Variants in PALLD observed in about 807,000 individuals in gnomAD.
The protein encoded by PALLD is palladin, cytoskeletal associated protein, also known as palladin.
Under a neutral mutation model 123.5 loss-of-function variants are expected in PALLD, and 61 were observed. That is an observed-to-expected ratio of 0.49 (90% CI 0.40 to 0.61). PALLD has a LOEUF of 0.61. PALLD is among the 20% of genes least tolerant of loss of function. PALLD has a pLI of 0.00. For synonymous variants in PALLD, 465 were observed against 496.4 expected (o/e 0.94, Z 0.84); for missense variants, 1,273 against 1,377.0 (o/e 0.92, Z 1.20).
At chr4:168,912,305 T>C (rs1315539030) in intron 15 of PALLD, among the ~76,000 whole-genome samples, 1 of 152,254 alleles carries the variant, frequency 6.6e-6, no homozygotes, top group Non-Finnish European at 1.5e-5. Context: ...TAGAACTCAC[T>C]AAGTCTAATC....
rs1762575084 is a variant in PALLD, at chr4:168,512,072, A to C, written c.568A>C (p.Asn190His). The change falls in exon 2 of 22, where the codon AAC (asparagine) becomes CAC (histidine). Residue 190 changes from asparagine to histidine, a missense_variant. Physicochemically the swap from Asn to His is moderately conservative, Grantham distance 68 (BLOSUM62 1). This residue lies in a region of PALLD where 944 missense variants were observed against 954.5 expected (regional missense o/e 0.99). Coordinates refer to ENST00000505667, the MANE Select transcript of PALLD (RefSeq NM_001166108.2). ...CATATTTAAAGCCGCAAAGCCAAGA[A>C]ACAGAAGCCCAAATGGGGAGTCCTC... ...TSIFKAAKPR[N>H]RSPNGESSSP... The C allele has an allele frequency of 6.2e-7, 1 of 1,614,086 alleles. No homozygotes were observed. The highest frequency in any genetic ancestry group is 1.1e-5 in the South Asian group (1 of 91,092).
intron 2 of PALLD, among the ~76,000 whole-genome samples, chr4:168,589,144 C>A (rs1013676454): frequency 6.6e-6 from 1 of 152,354 alleles, no homozygotes; most frequent in Admixed American, 6.5e-5. Flanking sequence ...TTCTAAAGTG[C>A]TTTACCATAC....
chr4:168,767,538 T>C (rs967982440), intron 10 of PALLD, among the ~76,000 whole-genome samples: 6 of 141,726 alleles, frequency 4.2e-5, no homozygotes, highest in Non-Finnish European at 9.1e-5. Context: ...ACTCCCTGTC[T>C]CTGATTTTTT....
At chr4:168,617,731 C>T (rs1774365130) in intron 2 of PALLD, among the ~76,000 whole-genome samples, 1 of 152,144 alleles carries the variant, frequency 6.6e-6, no homozygotes, top group Admixed American at 6.5e-5. Flanking sequence ...ACCAACCATA[C>T]AAGACTTACT....
At chr4:168,656,683 A>G (rs1395493726) in intron 2 of PALLD, among the ~76,000 whole-genome samples, 1 of 152,176 alleles carries the variant, frequency 6.6e-6, no homozygotes, top group East Asian at 1.9e-4. Flanking sequence ...CTTGGGCAAT[A>G]TATGTTTACC....
chr4:168,704,729 T>A (rs1784065511), intron 8 of PALLD, among the ~76,000 whole-genome samples: 2 of 150,252 alleles, frequency 1.3e-5, no homozygotes, highest in African/African-American at 2.5e-5. Flanking sequence ...AAAATAAAAA[T>A]TTTTAAATGG....
chr4:168,578,355 A>G (rs1769859231), intron 2 of PALLD, among the ~76,000 whole-genome samples: 2 of 152,084 alleles, frequency 1.3e-5, no homozygotes, highest in South Asian at 4.1e-4. Context: ...AGGTAATTTA[A>G]TCATGGGGGT....
At chr4:168,716,134 G>T (rs1379061432) in intron 10 of PALLD, among the ~76,000 whole-genome samples, 1 of 152,114 alleles carries the variant, frequency 6.6e-6, no homozygotes, top group East Asian at 1.9e-4. Flanking sequence ...ACAATATGCT[G>T]TTTTCAAATC....
chr4:168,866,184 G>T (rs534612728), intron 10 of PALLD, among the ~76,000 whole-genome samples: 1 of 152,238 alleles, frequency 6.6e-6, no homozygotes, highest in East Asian at 1.9e-4. Flanking sequence ...AGGATCAGTT[G>T]AGCCCAGGAG....
At chr4:168,771,848 A>G (rs539078403) in intron 10 of PALLD, among the ~76,000 whole-genome samples, 3 of 152,274 alleles carry the variant, frequency 2.0e-5, no homozygotes, top group African/African-American at 7.2e-5. Flanking sequence ...CCTGGATTCT[A>G]GGGAGGGCAG....
intron 10 of PALLD, among the ~76,000 whole-genome samples, chr4:168,771,734 A>T (rs1434151417): frequency 6.6e-6 from 1 of 152,084 alleles, no homozygotes; most frequent in Non-Finnish European, 1.5e-5. Flanking sequence ...GATTCCCTCA[A>T]GGCGACTCTC....
intron 1 of PALLD, 134 bp from the exon 2 acceptor site, chr4:168,511,289 T>C (rs1426216429): frequency 3.6e-6 from 2 of 553,836 alleles, no homozygotes; most frequent in Non-Finnish European, 6.4e-6. Context: ...ACTTGATATT[T>C]CTTCCAACTT....
chr4:168,784,884 A>G (rs767254983), intron 10 of PALLD, among the ~76,000 whole-genome samples: 3 of 152,132 alleles, frequency 2.0e-5, no homozygotes, highest in Admixed American at 6.5e-5. Flanking sequence ...AGCTCTGGTC[A>G]GTCTGGTCAT....
At chr4:168,674,246 C>T (rs1411297313) in intron 3 of PALLD, among the ~76,000 whole-genome samples, 1 of 152,116 alleles carries the variant, frequency 6.6e-6, no homozygotes, top group Non-Finnish European at 1.5e-5. Flanking sequence ...CTCTATTTAG[C>T]TAGCCATGTG....
chr4:168,919,018 AAAAAT>A (rs1470887566), intron 17 of PALLD, among the ~76,000 whole-genome samples: 8 of 152,248 alleles, frequency 5.3e-5, no homozygotes, highest in African/African-American at 1.9e-4. Flanking sequence ...TTTAAATATA[AAAAAT>A]AAGAGAGTGA....
chr4:168,797,687 A>T (rs1381710786), intron 10 of PALLD, among the ~76,000 whole-genome samples: 1 of 152,164 alleles, frequency 6.6e-6, no homozygotes, highest in Non-Finnish European at 1.5e-5. Flanking sequence ...ACTATTCCAT[A>T]TGTTACCTTG....
chr4:168,522,945 G>A (rs1053114420), intron 2 of PALLD, among the ~76,000 whole-genome samples: 6 of 152,012 alleles, frequency 3.9e-5, no homozygotes, highest in South Asian at 2.1e-4. Context: ...TTGTTCTCTC[G>A]GTTATGAGTT....
At chr4:168,787,887 G>T (rs1052505285) in intron 10 of PALLD, among the ~76,000 whole-genome samples, 4 of 152,148 alleles carry the variant, frequency 2.6e-5, no homozygotes, top group Non-Finnish European at 5.9e-5. Flanking sequence ...ACACACTTAT[G>T]TATGTTTATA....
chr4:168,903,665 G>C, intron 14 of PALLD, 92 bp from the exon 15 acceptor site: 1 of 1,041,766 alleles, frequency 9.6e-7, no homozygotes, highest in South Asian at 1.3e-5. Context: ...ACTCAGATCA[G>C]CTCTGCAAAC....
Sources: gnomAD v4.1 joint callset for allele counts (sites outside exome capture counted in the v4.1 genomes callset) on GRCh38, gnomAD v4.1.1 for gene constraint, gnomAD v4.1.1 regional missense constraint, MANE v1.5 for transcripts, NCBI Gene and HGNC (gene_info 2026-07-23, HGNC 2026-07-21) for gene names.